Variants in SLC13A4 observed in about 807,000 individuals in gnomAD.
The protein encoded by SLC13A4 is Na(+)/sulfate cotransporter SUT-1.
SLC13A4 carries 28 observed loss-of-function variants against 72.7 expected under a neutral mutation model. That is an observed-to-expected ratio of 0.39 (90% CI 0.29 to 0.53). SLC13A4 has a LOEUF of 0.53. Among genes scored for constraint, SLC13A4 ranks in the 20% least tolerant of loss-of-function variants. The probability of loss-of-function intolerance (pLI) is 0.78; values close to 1 mark genes in which losing one functional copy is unlikely to be tolerated. For missense variants in SLC13A4, 653 were observed against 788.0 expected (o/e 0.83, Z 2.05); for synonymous variants, 312 against 325.5 (o/e 0.96, Z 0.45).
At chr7:135,684,646 GTTT>G (rs534173554) in intron 14 of SLC13A4, among the ~76,000 whole-genome samples, 1 of 132,456 alleles carries the variant, frequency 7.5e-6, no homozygotes, top group African/African-American at 2.8e-5. Context: ...AACTAAGGTG[GTTT>G]TTTTTTTTTT....
intron 2 of SLC13A4, among the ~76,000 whole-genome samples, chr7:135,711,978 T>A (rs1796315286): frequency 1.6e-5 from 2 of 123,228 alleles, no homozygotes; most frequent in African/African-American, 3.1e-5. Context: ...TTTTTTTTTT[T>A]TTTTTTTTTT....
At chr7:135,726,475 T>C (rs1161781728) in intron 1 of SLC13A4, among the ~76,000 whole-genome samples, 1 of 152,152 alleles carries the variant, frequency 6.6e-6, no homozygotes, top group Non-Finnish European at 1.5e-5. Context: ...CCTACAAACG[T>C]GATTAACCTG....
chr7:135,721,320 C>T (rs1563172205), intron 2 of SLC13A4, 75 bp downstream of exon 2: 5 of 1,559,108 alleles, frequency 3.2e-6, no homozygotes, highest in Non-Finnish European at 3.5e-6. Context: ...CTGGGTGAAT[C>T]TCCCTTCATT....
chr7:135,725,724 A>T (rs537865884), intron 1 of SLC13A4, among the ~76,000 whole-genome samples: 1 of 152,292 alleles, frequency 6.6e-6, no homozygotes, highest in East Asian at 1.9e-4. Context: ...TAATCTCAAC[A>T]CTTTGGGAGG....
chr7:135,725,761 C>T (rs1796641086), intron 1 of SLC13A4, among the ~76,000 whole-genome samples: 1 of 152,114 alleles, frequency 6.6e-6, no homozygotes, highest in African/African-American at 2.4e-5. Flanking sequence ...AGTTTGAGAC[C>T]AGCCTGGGCA....
intron 2 of SLC13A4, among the ~76,000 whole-genome samples, chr7:135,713,575 T>A (rs1380124251): frequency 6.6e-6 from 1 of 152,058 alleles, no homozygotes; most frequent in East Asian, 1.9e-4. Context: ...AATTATGTGT[T>A]TTTTATTTTA....
chr7:135,719,018 TATC>T (rs1303551933), intron 2 of SLC13A4, among the ~76,000 whole-genome samples: 1 of 152,214 alleles, frequency 6.6e-6, no homozygotes, highest in Non-Finnish European at 1.5e-5. Context: ...AACTACTAAA[TATC>T]ATCATCAGCC....
intron 14 of SLC13A4, 82 bp from the exon 15 acceptor site, chr7:135,684,343 T>C: frequency 1.3e-6 from 2 of 1,492,718 alleles, no homozygotes; most frequent in Non-Finnish European, 1.8e-6. Context: ...GCTTTAATGA[T>C]GACTTGGTGC....
At chr7:135,685,189 T>C (rs1397264233) in intron 14 of SLC13A4, among the ~76,000 whole-genome samples, 1 of 152,168 alleles carries the variant, frequency 6.6e-6, no homozygotes, top group African/African-American at 2.4e-5. Flanking sequence ...GAGAGAAAGG[T>C]TGATAATGAT....
Position 135,681,619 on chromosome 7 carries a change from G to A in SLC13A4, c.1828C>T (p.His610Tyr). ...AINTWGVSLF[H>Y]LDTYPAWARV... ...GCCCATGCTGGGTAAGTGTCCAGGT[G>A]GAAGAGGCTAACTCCCCAGGTGTTG... The change falls in exon 16 of 16, where the codon CAC becomes TAC. Residue 610 changes from histidine to tyrosine, a missense_variant. Transcript: ENST00000682651. 1 of 1,614,146 alleles carries A rather than the reference G, an allele frequency of 6.2e-7. No individual in the cohort carries two copies.
chr7:135,699,204 G>A (rs1371340320), intron 8 of SLC13A4, among the ~76,000 whole-genome samples, 160 bp downstream of exon 8: 2 of 152,136 alleles, frequency 1.3e-5, no homozygotes, highest in Non-Finnish European at 2.9e-5. Context: ...CCCTCCCAAT[G>A]TGCCTTATTA....
At chr7:135,716,654 T>TG (rs760273479) in intron 2 of SLC13A4, among the ~76,000 whole-genome samples, 4 of 152,200 alleles carry the variant, frequency 2.6e-5, no homozygotes, top group Non-Finnish European at 4.4e-5. Context: ...TCACATTGCC[T>TG]GGGGGGTTAA....
intron 2 of SLC13A4, among the ~76,000 whole-genome samples, chr7:135,715,870 C>A (rs60951946): frequency 5.0e-4 from 76 of 152,272 alleles, no homozygotes; most frequent in African/African-American, 1.7e-3. Flanking sequence ...ACACACAAAC[C>A]TAAAATACAG....
rs374998063 is a variant in SLC13A4 at position 135,694,217 on chromosome 7, C to G, written c.1041G>C (p.Leu347=). The change falls in exon 10 of 16, where the codon CTG becomes CTC. Residue 347 remains leucine, a synonymous_variant. Coordinates refer to ENST00000682651, the MANE Select transcript of SLC13A4 (RefSeq NM_001318192.2). The part of the protein sequence containing the change: ...LGCNFKETCS[L]SKKKKTKREQ... Reference sequence around the variant, plus strand: ...CCCTTTTGGTCTTCTTCTTCTTGCTCAGAGAGCAGGTCTCTTTAAAACTGA... The same window carrying G: ...CCCTTTTGGTCTTCTTCTTCTTGCTGAGAGAGCAGGTCTCTTTAAAACTGA... The G allele has an allele frequency of 1.2e-6, 2 of 1,611,610 alleles. No individual in the cohort carries two copies. The highest frequency in any genetic ancestry group is 1.1e-5 in the South Asian group (1 of 91,006).
At chr7:135,722,895 CA>C (rs1401943953) in intron 1 of SLC13A4, among the ~76,000 whole-genome samples, 1 of 152,126 alleles carries the variant, frequency 6.6e-6, no homozygotes, top group Non-Finnish European at 1.5e-5. Flanking sequence ...ATGGAACTCT[CA>C]TTTTGGATGA....
chr7:135,690,981 A>G (rs1379577043), intron 13 of SLC13A4, among the ~76,000 whole-genome samples: 3 of 152,152 alleles, frequency 2.0e-5, no homozygotes, highest in Admixed American at 6.5e-5. Flanking sequence ...CCTGGCCAAC[A>G]TGGTGAAACC....
intron 1 of SLC13A4, among the ~76,000 whole-genome samples, chr7:135,725,122 T>C (rs1194716170): frequency 6.6e-6 from 1 of 152,162 alleles, no homozygotes; most frequent in Non-Finnish European, 1.5e-5. Context: ...TCAGACAATA[T>C]CTTCAAGGGA....
chr7:135,708,112 A>G lies in SLC13A4; in HGVS notation c.365+2T>C, dbSNP rs1796209534. ...TGTCCTGGCATCCCAAATAAGACTT[A>G]CATGCCCGGCTTGGCTCCGGCCATC... On this transcript the variant is annotated splice_donor_variant, in intron 3 of 15. Transcript: ENST00000682651. LOFTEE classifies it high-confidence loss of function. 6.2e-7 allele frequency: 1 copy of G among 1,612,820 alleles called. No homozygotes were observed. The highest frequency in any genetic ancestry group is 8.5e-7 in the Non-Finnish European group (1 of 1,178,882).
intron 8 of SLC13A4, among the ~76,000 whole-genome samples, chr7:135,696,377 C>G (rs1322797286): frequency 6.6e-6 from 1 of 151,910 alleles, no homozygotes; most frequent in Non-Finnish European, 1.5e-5. Flanking sequence ...GAGACGGAGT[C>G]TTGCTCTGTC....
Sources: gnomAD v4.1 joint callset for allele counts (sites outside exome capture counted in the v4.1 genomes callset) on GRCh38, gnomAD v4.1.1 for gene constraint, MANE v1.5 for transcripts, NCBI Gene and HGNC (gene_info 2026-07-23, HGNC 2026-07-21) for gene names.